CAMTA1: variants seen among roughly 807,000 people sequenced by gnomAD.
The protein encoded by CAMTA1 is calmodulin-binding transcription activator 1.
Under a neutral mutation model 170.9 loss-of-function variants are expected in CAMTA1, and 27 were observed. The observed-to-expected ratio is 0.16, with a 90% CI of 0.12 to 0.22. The LOEUF is 0.22. Among genes scored for constraint, CAMTA1 ranks in the 10% least tolerant of loss-of-function variants. The pLI, the probability that CAMTA1 is intolerant of heterozygous loss-of-function variation, is 1.00. For missense variants in CAMTA1, 1,619 were observed against 2,217.2 expected (o/e 0.73, Z 5.42); for synonymous variants, 833 against 891.5 (o/e 0.93, Z 1.17).
At chr1:7,285,713 A>C in intron 5 of CAMTA1, among the ~76,000 whole-genome samples, 1 of 152,282 alleles carries the variant, frequency 6.6e-6, no homozygotes, top group Non-Finnish European at 1.5e-5. Context: ...GATCTAGCCT[A>C]TCTCTTTATT....
In CAMTA1 at chr1:7,093,464, C is replaced by G. The variant is rs1244450082; in HGVS notation, c.302+2093C>G. On this transcript the variant is annotated intron_variant, in intron 4 of 22. Transcript: ENST00000303635. The surrounding 1 kb of genome is among the most constrained non-coding windows in gnomAD (Gnocchi z 4.6). ...CTCTCCGCTGAAACACTCCTTGAAT[C>G]TAAGTGGAAAGAGAAGAGCTCCTCC... Among the ~76,000 whole-genome samples, 3 of 152,148 alleles carry G rather than the reference C, an allele frequency of 2.0e-5. No homozygotes were observed. The highest frequency in any genetic ancestry group is 4.4e-5 in the Non-Finnish European group (3 of 68,020).
At chr1:7,364,718 G>A (rs1335917863) in intron 5 of CAMTA1, among the ~76,000 whole-genome samples, 1 of 151,972 alleles carries the variant, frequency 6.6e-6, no homozygotes, top group Non-Finnish European at 1.5e-5. Flanking sequence ...CAGTGGGAGA[G>A]GGTATCCCAG....
chr1:7,350,268 A>G (rs1384770912), intron 5 of CAMTA1, among the ~76,000 whole-genome samples: 1 of 152,108 alleles, frequency 6.6e-6, no homozygotes, highest in Non-Finnish European at 1.5e-5. Flanking sequence ...TCTGTGTCCT[A>G]GAGCCCCAGG....
intron 5 of CAMTA1, among the ~76,000 whole-genome samples, chr1:7,416,096 C>T (rs926756952): frequency 3.3e-5 from 5 of 152,236 alleles, no homozygotes; most frequent in East Asian, 1.9e-4. Context: ...CCCCCACTCT[C>T]TTCTGGCTTG....
At chr1:6,815,927 C>T (rs1043139238) in intron 1 of CAMTA1, among the ~76,000 whole-genome samples, 2 of 152,140 alleles carry the variant, frequency 1.3e-5, no homozygotes, top group Non-Finnish European at 2.9e-5. Flanking sequence ...TCATTTGACT[C>T]TTGAGAAAAC....
intron 4 of CAMTA1, among the ~76,000 whole-genome samples, chr1:7,121,305 AG>A (rs1644627707): frequency 6.6e-6 from 1 of 152,246 alleles, no homozygotes; most frequent in Admixed American, 6.5e-5. Flanking sequence ...GGATCCCAGT[AG>A]GGCATTCTGA....
Position 7,692,583 on chromosome 1 carries a change from T to A in CAMTA1, c.2914+14850T>A, listed in dbSNP as rs115101952. Among the ~76,000 whole-genome samples the A allele has an allele frequency of 4.0e-3, 605 of 152,228 alleles. 3 individuals are homozygous for A. Among genetic ancestry groups the A allele is most frequent in the African/African-American group, 0.014 (580 of 41,518 alleles). On this transcript the variant is annotated intron_variant, in intron 11 of 22. Coordinates refer to ENST00000303635, the MANE Select transcript of CAMTA1 (RefSeq NM_015215.4). Reference sequence around the variant, plus strand: ...AGTCGGGGCCATGAAAACCTCCCTATGCACAGGAATCCTGCTGCTTCAAAA... The same window carrying A: ...AGTCGGGGCCATGAAAACCTCCCTAAGCACAGGAATCCTGCTGCTTCAAAA...
chr1:7,450,650 G>A (rs527695908), intron 5 of CAMTA1, among the ~76,000 whole-genome samples: 1 of 152,342 alleles, frequency 6.6e-6, no homozygotes, highest in Non-Finnish European at 1.5e-5. Flanking sequence ...ATTCCAACGA[G>A]TCATATTTTA....
At chr1:6,797,916 C>G (rs1642912696) in intron 1 of CAMTA1, among the ~76,000 whole-genome samples, 1 of 151,210 alleles carries the variant, frequency 6.6e-6, no homozygotes, top group South Asian at 2.1e-4. Flanking sequence ...ATTGTTTTCC[C>G]TAATAATGAA....
chr1:6,842,618 G>T (rs775240018), intron 3 of CAMTA1, among the ~76,000 whole-genome samples: 1 of 152,182 alleles, frequency 6.6e-6, no homozygotes, highest in Non-Finnish European at 1.5e-5. Flanking sequence ...TAAACAAATT[G>T]TGGTTAAAAG....
chr1:7,580,208 A>G lies in CAMTA1; in HGVS notation c.511-60192A>G, dbSNP rs2095247384. On this transcript the variant is annotated intron_variant, in intron 6 of 22. Coordinates refer to ENST00000303635, the MANE Select transcript of CAMTA1 (RefSeq NM_015215.4). The surrounding 1 kb of genome is among the most constrained non-coding windows in gnomAD (Gnocchi z 4.3). ...GCTCCTGGCCAAGGTCTTTGTGTTC[A>G]GACCAGAAGAGGAAGGAGGGCTCCC... Among the ~76,000 whole-genome samples the G allele has an allele frequency of 6.6e-6, 1 of 152,228 alleles. No homozygotes were observed.
chr1:7,379,012 G>T (rs1201872904), intron 5 of CAMTA1, among the ~76,000 whole-genome samples: 1 of 152,200 alleles, frequency 6.6e-6, no homozygotes, highest in Non-Finnish European at 1.5e-5. Flanking sequence ...GCGCCTCAGG[G>T]TGGCACCTGC....
intron 4 of CAMTA1, among the ~76,000 whole-genome samples, chr1:7,163,024 C>G (rs1050506967): frequency 7.0e-6 from 1 of 143,750 alleles, no homozygotes; most frequent in Admixed American, 7.2e-5. Context: ...CTGTGAGGCA[C>G]TAAGGGAGGC....
chr1:6,819,436 C>T (rs1646236966), intron 1 of CAMTA1, among the ~76,000 whole-genome samples: 1 of 152,068 alleles, frequency 6.6e-6, no homozygotes, highest in African/African-American at 2.4e-5. Flanking sequence ...ACTTGCCATG[C>T]CATAATACTA....
At chr1:6,928,186 A>G (rs1168806840) in intron 3 of CAMTA1, among the ~76,000 whole-genome samples, 2 of 152,200 alleles carry the variant, frequency 1.3e-5, no homozygotes, top group East Asian at 1.9e-4. Context: ...CTCCCTCTTA[A>G]CAGAGCGCTT....
In CAMTA1 at chr1:7,234,875, T is replaced by G. The variant is rs1356059460; in HGVS notation, c.303-14616T>G. Among the ~76,000 whole-genome samples the G allele has an allele frequency of 6.6e-6, 1 of 151,006 alleles. No homozygotes were observed. The highest frequency in any genetic ancestry group is 1.5e-5 in the Non-Finnish European group (1 of 67,828). ...GATCATAGCTCACTGCAACCTCCAC[T>G]TCCCAGGTTCAAGCGATTCTTGCAC... On this transcript the variant is annotated intron_variant, in intron 4 of 22. Transcript: ENST00000303635. This position sits in a 1 kb window ranked among gnomAD's most constrained non-coding sequence, Gnocchi z 5.0.
At chr1:7,720,717 A>G (rs1267572870) in intron 11 of CAMTA1, among the ~76,000 whole-genome samples, 1 of 152,196 alleles carries the variant, frequency 6.6e-6, no homozygotes, top group African/African-American at 2.4e-5. Flanking sequence ...CTCAGTGGCT[A>G]TAGAAAAGTG....
intron 5 of CAMTA1, among the ~76,000 whole-genome samples, chr1:7,264,098 C>G (rs1211037647): frequency 6.6e-6 from 1 of 152,090 alleles, no homozygotes; most frequent in Non-Finnish European, 1.5e-5. Context: ...GGGAGGGGCC[C>G]AGGAAGGGCC....
At chr1:7,653,675 T>C (rs1304427814) in intron 7 of CAMTA1, among the ~76,000 whole-genome samples, 2 of 152,104 alleles carry the variant, frequency 1.3e-5, no homozygotes, top group Admixed American at 1.3e-4. Context: ...GCTCTGCTTA[T>C]AGCTCACTGA....
Sources: allele counts gnomAD v4.1 joint callset (sites outside exome capture counted in the v4.1 genomes callset), GRCh38; gene constraint gnomAD v4.1.1; non-coding constraint Gnocchi (gnomAD v3.1); transcripts MANE v1.5; gene names NCBI Gene and HGNC (gene_info 2026-07-23, HGNC 2026-07-21).